COBLL1: variants seen among roughly 807,000 people sequenced by gnomAD.
The protein encoded by COBLL1 is cordon-bleu WH2 repeat protein like 1.
A neutral mutation model predicts 94.8 loss-of-function variants in COBLL1; 50 were observed. That is an observed-to-expected ratio of 0.53 (90% CI 0.42 to 0.67). The LOEUF is 0.67. Among genes scored for constraint, COBLL1 ranks in the 30% least tolerant of loss-of-function variants. The probability of loss-of-function intolerance (pLI) is 0.00; values close to 1 mark genes in which losing one functional copy is unlikely to be tolerated. For synonymous variants in COBLL1, 448 were observed against 473.8 expected (o/e 0.95, Z 0.71); for missense variants, 1,362 against 1,348.7 (o/e 1.01, Z -0.15).
At chr2:164,725,644 C>G (rs1463623537) in intron 5 of COBLL1, among the ~76,000 whole-genome samples, 1 of 152,072 alleles carries the variant, frequency 6.6e-6, no homozygotes, top group Non-Finnish European at 1.5e-5. Context: ...GTCGCAAATT[C>G]CTAGGCTCAA....
chr2:164,714,178 CACAT>C lies in COBLL1; in HGVS notation c.996+7893_996+7896del, dbSNP rs532613699. Among the ~76,000 whole-genome samples, 322 of 148,040 alleles carry C rather than the reference CACAT, an allele frequency of 2.2e-3. 1 individual carries two copies. Among genetic ancestry groups the C allele is most frequent in the African/African-American group, 7.7e-3 (306 of 39,494 alleles). ...AAACACACACACACACACACACACA[CACAT>C]TAAAAAATCCCATGTTATTCCCCTG... On this transcript the variant is annotated intron_variant, in intron 7 of 13. Transcript: ENST00000652658.
intron 7 of COBLL1, among the ~76,000 whole-genome samples, chr2:164,720,233 T>C (rs2105494170): frequency 6.6e-6 from 1 of 151,498 alleles, no homozygotes; most frequent in South Asian, 2.1e-4. Context: ...AAAAAATAAT[T>C]AGAAAATTGT....
rs535599212 is a variant in COBLL1, at chr2:164,778,150, C to T, written c.42-34275G>A. On this transcript the variant is annotated intron_variant, in intron 2 of 13. Transcript: ENST00000652658. ...ACATGAGAAAATCAGACAGACTGAT[C>T]AGGGGAAACTCACTCAACATTTACT... Among the ~76,000 whole-genome samples the T allele has an allele frequency of 7.2e-5, 11 of 152,266 alleles. No individual in the cohort carries two copies. In the South Asian group the frequency reaches 2.3e-3, roughly 32 times the overall value.
intron 2 of COBLL1, among the ~76,000 whole-genome samples, chr2:164,826,910 T>C (rs1559053966): frequency 6.6e-6 from 1 of 151,824 alleles, no homozygotes; most frequent in Non-Finnish European, 1.5e-5. Context: ...TTTTTTTTGT[T>C]TCTCTCTCTT....
upstream of COBLL1, chr2:164,842,002 C>T: frequency 6.5e-7 from 1 of 1,540,206 alleles, no homozygotes; most frequent in Non-Finnish European, 8.7e-7. Context: ...GCCGCCGCCT[C>T]TGCAGCACGG....
At chr2:164,842,019 A>G (rs1382483041), upstream of COBLL1, 25 of 1,539,148 alleles carry the variant, frequency 1.6e-5, 1 homozygote, top group Middle Eastern at 1.7e-4. Context: ...ACGGCCGCAC[A>G]TAAGTGGGGA....
At chr2:164,759,473 T>C (rs1687575457) in intron 2 of COBLL1, among the ~76,000 whole-genome samples, 1 of 151,854 alleles carries the variant, frequency 6.6e-6, no homozygotes, top group African/African-American at 2.4e-5. Flanking sequence ...AAGAAAAAAA[T>C]CTTTGGGAAC....
chr2:164,774,717 C>T (rs1032780009), intron 2 of COBLL1, among the ~76,000 whole-genome samples: 2 of 152,104 alleles, frequency 1.3e-5, no homozygotes, highest in Admixed American at 1.3e-4. Context: ...CATCTGTCTC[C>T]ACAACAAACA....
chr2:164,670,395 C>T (rs1414422039), intron 1 of COBLL1, among the ~76,000 whole-genome samples: 2 of 152,136 alleles, frequency 1.3e-5, no homozygotes, highest in Non-Finnish European at 2.9e-5. Context: ...ACATATTTCT[C>T]TGATAATAAG....
chr2:164,700,873 C>G (rs1033136019), intron 9 of COBLL1, 117 bp from the exon 10 acceptor site: 1 of 663,512 alleles, frequency 1.5e-6, no homozygotes, highest in Non-Finnish European at 2.6e-6. Context: ...TAAATTCTGC[C>G]TCAAAAATAA....
rs117233057 is a variant in COBLL1 at position 164,799,375 on chromosome 2, C to T, written c.41+41781G>A. On this transcript the variant is annotated intron_variant, in intron 2 of 13. Transcript: ENST00000652658. Reference sequence around the variant, plus strand: ...ATAAACAACTTTTAAGATCCCAAAACGAAAATACTTGACTGTAACTCCATC... The same window carrying T: ...ATAAACAACTTTTAAGATCCCAAAATGAAAATACTTGACTGTAACTCCATC... 3.1e-4 allele frequency among the ~76,000 whole-genome samples: 47 copies of T among 152,158 alleles called. No individual in the cohort carries two copies. In the East Asian group the frequency reaches 6.0e-3, roughly 19 times the overall value.
At chr2:164,718,145 C>T (rs1191143832) in intron 7 of COBLL1, 1 of 487,052 alleles carries the variant, frequency 2.1e-6, no homozygotes, top group African/African-American at 2.1e-5. Context: ...ATTGTATATA[C>T]TATACCTGGC....
intron 2 of COBLL1, among the ~76,000 whole-genome samples, chr2:164,807,559 T>G (rs1234987910): frequency 6.6e-6 from 1 of 152,192 alleles, no homozygotes; most frequent in Non-Finnish European, 1.5e-5. Flanking sequence ...TTTAGTATCA[T>G]GAGTTGAATT....
Position 164,694,998 on chromosome 2 carries a change from C to T in COBLL1, c.2394G>A (p.Pro798=), listed in dbSNP as rs747694441. The change falls in exon 12 of 14, where the codon CCG becomes CCA. Residue 798 remains proline (P), a synonymous_variant. Transcript: ENST00000652658. ...GATGCTCTGTTCTCAGGTTAGGCTT[C>T]GGTTTAAGGTTTGGCAGTGGCTCTT... ...SPEEPLPNLK[P]KPNLRTEHQV... is the part of the protein sequence containing the mutation. 16 of 1,613,754 alleles carry T rather than the reference C, an allele frequency of 9.9e-6. No individual in the cohort carries two copies. Among genetic ancestry groups the T allele is most frequent in the Middle Eastern group, 1.6e-4 (1 of 6,084 alleles).
intron 2 of COBLL1, among the ~76,000 whole-genome samples, chr2:164,828,021 G>T (rs1415698507): frequency 6.6e-6 from 1 of 152,166 alleles, no homozygotes; most frequent in Non-Finnish European, 1.5e-5. Flanking sequence ...ATAATAGAGT[G>T]CTGAGAGGTA....
At position 164,746,248 on chromosome 2, in the gene COBLL1, C is replaced by T. The variant is rs540271923; in HGVS notation, c.42-2373G>A. ...GCCAACTGGTGTCCCTGCTCCCAAC[C>T]TTGTCACTTCATAATCTAGTCTCAA... On this transcript the variant is annotated intron_variant, in intron 2 of 13. Coordinates refer to ENST00000652658, the MANE Select transcript of COBLL1 (RefSeq NM_001365672.2). Among the ~76,000 whole-genome samples the T allele has an allele frequency of 7.9e-5, 12 of 152,278 alleles. No individual in the cohort carries two copies. In the South Asian group the frequency reaches 1.7e-3, roughly 21 times the overall value.
intron 5 of COBLL1, chr2:164,723,945 C>G (rs1178772363): frequency 1.3e-5 from 2 of 152,136 alleles, no homozygotes; most frequent in Non-Finnish European, 2.9e-5. Context: ...GGCATGCATC[C>G]CCATGCCTGG....
intron 2 of COBLL1, among the ~76,000 whole-genome samples, chr2:164,804,760 C>T (rs1277210019): frequency 1.3e-5 from 2 of 152,108 alleles, no homozygotes; most frequent in Non-Finnish European, 2.9e-5. Context: ...ACCTGGTTTA[C>T]GTAACCTGCA....
chr2:164,801,971 A>G (rs1388720332), intron 2 of COBLL1, among the ~76,000 whole-genome samples: 2 of 152,208 alleles, frequency 1.3e-5, no homozygotes, highest in Non-Finnish European at 2.9e-5. Flanking sequence ...AAAAGGAGAA[A>G]AAGAAAATGT....
Sources: gnomAD v4.1 joint callset for allele counts (sites outside exome capture counted in the v4.1 genomes callset) on GRCh38, gnomAD v4.1.1 for gene constraint, MANE v1.5 for transcripts, NCBI Gene and HGNC (gene_info 2026-07-23, HGNC 2026-07-21) for gene names.